The following CACNA2D3 variants were observed in gnomAD, a reference collection of about 807,000 sequenced individuals.
CACNA2D3 encodes the protein voltage-dependent calcium channel subunit alpha-2/delta-3.
Under a neutral mutation model 160.6 loss-of-function variants are expected in CACNA2D3, and 60 were observed. That is an observed-to-expected ratio of 0.37 (90% confidence interval 0.30 to 0.46). CACNA2D3 has a LOEUF of 0.46. Ranked by LOEUF, CACNA2D3 falls within the 20% of genes least tolerant of loss-of-function variation. The pLI is 1.00. For synonymous variants in CACNA2D3, 558 were observed against 492.9 expected, an observed-to-expected ratio of 1.13 and a Z score of -1.75; for missense variants, 1,205 against 1,365.0, an observed-to-expected ratio of 0.88 and a Z score of 1.85.
intron 27 of CACNA2D3, among the ~76,000 whole-genome samples, chr3:54,907,233 T>C (rs1700466483): frequency 6.6e-6 from 1 of 152,180 alleles, no homozygotes; most frequent in South Asian, 2.1e-4. Context: ...TGAGTATTTA[T>C]GAGTGAGCAC....
intron 2 of CACNA2D3, among the ~76,000 whole-genome samples, chr3:54,136,614 G>A (rs1464853378): frequency 6.6e-6 from 1 of 152,234 alleles, no homozygotes; most frequent in African/African-American, 2.4e-5. Flanking sequence ...ACAGCACACT[G>A]CTTGAGTTCC....
chr3:54,327,121 G>C (rs1704135514), intron 3 of CACNA2D3, among the ~76,000 whole-genome samples: 1 of 152,192 alleles, frequency 6.6e-6, no homozygotes, highest in South Asian at 2.1e-4. Context: ...ACATGGAACT[G>C]CGTGGTCCTC....
chr3:55,015,736 G>T (rs528475860), intron 34 of CACNA2D3, among the ~76,000 whole-genome samples: 352 of 152,326 alleles, frequency 2.3e-3, no homozygotes, highest in African/African-American at 8.1e-3. Flanking sequence ...TATGAGCTTT[G>T]TGTCTGGCCT....
chr3:55,033,800 A>G (rs1458874013), intron 35 of CACNA2D3, among the ~76,000 whole-genome samples: 2 of 127,146 alleles, frequency 1.6e-5, no homozygotes, highest in African/African-American at 3.2e-5. Context: ...TATATTTTAT[A>G]TAATATGTAT....
At chr3:54,189,095 G>A (rs967997072) in intron 2 of CACNA2D3, among the ~76,000 whole-genome samples, 5 of 152,228 alleles carry the variant, frequency 3.3e-5, no homozygotes, top group Non-Finnish European at 4.4e-5. Flanking sequence ...CTGCTTGAGG[G>A]AAATGAGGGC....
intron 8 of CACNA2D3, among the ~76,000 whole-genome samples, chr3:54,571,734 A>G (rs1702502236): frequency 6.6e-6 from 1 of 151,792 alleles, no homozygotes; most frequent in Non-Finnish European, 1.5e-5. Context: ...GCTATGGACA[A>G]TGGAGGCAGC....
At chr3:54,624,585 T>A (rs1699055920) in intron 9 of CACNA2D3, among the ~76,000 whole-genome samples, 1 of 152,104 alleles carries the variant, frequency 6.6e-6, no homozygotes, top group Admixed American at 6.5e-5. Context: ...TCGCACCCAC[T>A]GCACTCCAGC....
chr3:55,067,101 C>CCGG (rs1704665512), intron 35 of CACNA2D3, among the ~76,000 whole-genome samples: 1 of 150,318 alleles, frequency 6.7e-6, no homozygotes, highest in African/African-American at 2.4e-5. Flanking sequence ...TCTTTTGTAG[C>CCGG]GGGGGGGGCT....
intron 17 of CACNA2D3, among the ~76,000 whole-genome samples, chr3:54,853,780 C>T (rs765373366): frequency 6.6e-6 from 1 of 152,268 alleles, no homozygotes; most frequent in Non-Finnish European, 1.5e-5. Context: ...TCAGCAGATA[C>T]TCTACAGTCT....
At chr3:54,581,396 C>G (rs1702675143) in intron 8 of CACNA2D3, among the ~76,000 whole-genome samples, 2 of 152,162 alleles carry the variant, frequency 1.3e-5, no homozygotes, top group Non-Finnish European at 2.9e-5. Flanking sequence ...CACATGTGTC[C>G]CTTGGTTCCA....
chr3:54,462,432 G>A (rs1161630603), intron 4 of CACNA2D3, among the ~76,000 whole-genome samples: 2 of 152,128 alleles, frequency 1.3e-5, no homozygotes, highest in Admixed American at 6.5e-5. Flanking sequence ...ATGTCACTCA[G>A]GACTTGCTTT....
At chr3:54,717,037 T>C (rs571367249) in intron 11 of CACNA2D3, among the ~76,000 whole-genome samples, 1 of 152,194 alleles carries the variant, frequency 6.6e-6, no homozygotes, top group East Asian at 1.9e-4. Context: ...AGTAACTACT[T>C]TTCTGACTTC....
At chr3:54,905,599 C>A (rs1700433734) in intron 27 of CACNA2D3, among the ~76,000 whole-genome samples, 1 of 152,126 alleles carries the variant, frequency 6.6e-6, no homozygotes, top group Non-Finnish European at 1.5e-5. Flanking sequence ...ACTGATTAAA[C>A]CAGTAGTTTC....
intron 2 of CACNA2D3, among the ~76,000 whole-genome samples, chr3:54,140,351 A>T (rs1023783199): frequency 6.6e-6 from 1 of 152,194 alleles, no homozygotes; most frequent in African/African-American, 2.4e-5. Flanking sequence ...AGATGCAAAA[A>T]CACTGTAGGT....
intron 3 of CACNA2D3, among the ~76,000 whole-genome samples, chr3:54,332,857 A>C (rs1284350316): frequency 6.6e-6 from 1 of 152,062 alleles, no homozygotes; most frequent in African/African-American, 2.4e-5. Flanking sequence ...TGGGTTGGCT[A>C]CTGTTAAGAT....
intron 11 of CACNA2D3, among the ~76,000 whole-genome samples, chr3:54,721,055 G>A (rs1701160109): frequency 1.3e-5 from 2 of 148,244 alleles, no homozygotes; most frequent in South Asian, 2.1e-4. Context: ...CTATTAGCTT[G>A]TTAGTAAACA....
chr3:54,280,835 C>G (rs148190339), intron 2 of CACNA2D3, among the ~76,000 whole-genome samples: 11 of 152,282 alleles, frequency 7.2e-5, no homozygotes, highest in Admixed American at 3.3e-4. Flanking sequence ...CTTAGGCATC[C>G]CTTCCTCTGG....
chr3:54,632,624 G>C (rs955787850), intron 10 of CACNA2D3: 1 of 152,220 alleles, frequency 6.6e-6, no homozygotes, highest in African/African-American at 2.4e-5. Flanking sequence ...TTTGGTTGAA[G>C]ATGGACCCTT....
intron 10 of CACNA2D3, among the ~76,000 whole-genome samples, chr3:54,628,785 C>T (rs1383730663): frequency 6.6e-6 from 1 of 152,164 alleles, no homozygotes; most frequent in Non-Finnish European, 1.5e-5. Flanking sequence ...CAGCAGGAGG[C>T]ATCTCCTCTC....
Sources: allele counts gnomAD v4.1 joint callset (sites outside exome capture counted in the v4.1 genomes callset), GRCh38; gene constraint gnomAD v4.1.1; transcripts MANE v1.5; gene names NCBI Gene and HGNC (gene_info 2026-07-23, HGNC 2026-07-21).